The following WWOX variants were observed in gnomAD, a reference collection of about 807,000 sequenced individuals.
The protein encoded by WWOX is WW domain containing oxidoreductase.
In WWOX, 69 loss-of-function variants were observed where a neutral mutation model predicts 46.2. That is an observed-to-expected ratio of 1.49 (90% CI 1.23 to 1.82). WWOX has a LOEUF of 1.82. Among genes scored for constraint, WWOX ranks in the 40% most tolerant of loss-of-function variants. The pLI is 0.00. For missense variants in WWOX, 919 were observed against 542.6 expected (o/e 1.69, Z -6.89); for synonymous variants, 359 against 202.6 (o/e 1.77, Z -6.56).
rs566462389 is a variant in WWOX at position 78,109,855 on chromosome 16, C to T, written c.230+20C>T. 6.2e-6 allele frequency: 10 copies of T among 1,613,918 alleles called. No homozygotes were observed. Among genetic ancestry groups the T allele is most frequent in the Non-Finnish European group, 8.5e-6 (10 of 1,179,904 alleles). On this transcript the variant is annotated intron_variant, in intron 3 of 8. Coordinates refer to ENST00000566780, the MANE Select transcript of WWOX (RefSeq NM_016373.4). ...TGTTGAGTAAGTGTCTGCAAAGAAA[C>T]CACTCTCAGCTGTTTTGCTTTTTAA...
chr16:78,518,491 G>C (rs2043284638), intron 8 of WWOX, among the ~76,000 whole-genome samples: 1 of 152,264 alleles, frequency 6.6e-6, no homozygotes, highest in Middle Eastern at 3.4e-3. Flanking sequence ...AAATTGCTGG[G>C]ATTACAGACG....
intron 5 of WWOX, among the ~76,000 whole-genome samples, chr16:78,305,573 C>T (rs1255144574): frequency 6.6e-6 from 1 of 152,030 alleles, no homozygotes; most frequent in African/African-American, 2.4e-5. Flanking sequence ...CATTCCCGTT[C>T]CAGTCATCTT....
chr16:78,487,981 A>T (rs2084681816), intron 8 of WWOX, among the ~76,000 whole-genome samples: 1 of 152,182 alleles, frequency 6.6e-6, no homozygotes, highest in Non-Finnish European at 1.5e-5. Flanking sequence ...CAAGCTTCGA[A>T]AGAGGTACAG....
chr16:78,928,639 A>T (rs1486367632), intron 8 of WWOX, among the ~76,000 whole-genome samples: 1 of 151,396 alleles, frequency 6.6e-6, no homozygotes, highest in African/African-American at 2.4e-5. Flanking sequence ...AGAAATTCTG[A>T]GAAGGGGTTT....
chr16:79,098,247 A>T (rs940760868), intron 8 of WWOX, among the ~76,000 whole-genome samples: 1 of 152,216 alleles, frequency 6.6e-6, no homozygotes, highest in Non-Finnish European at 1.5e-5. Flanking sequence ...CTCTAAGCAG[A>T]GGCACAGTCA....
intron 8 of WWOX, among the ~76,000 whole-genome samples, chr16:78,435,470 A>T (rs2151389246): frequency 6.6e-6 from 1 of 152,336 alleles, no homozygotes; most frequent in Admixed American, 6.5e-5. Context: ...TGGGTAAAAG[A>T]TTAACTGCGC....
chr16:78,320,226 T>G (rs894925462), intron 5 of WWOX, among the ~76,000 whole-genome samples: 2 of 152,188 alleles, frequency 1.3e-5, no homozygotes, highest in African/African-American at 2.4e-5. Context: ...GGTACAGAAC[T>G]GAAATTTTCT....
intron 6 of WWOX, among the ~76,000 whole-genome samples, chr16:78,414,594 T>C (rs1466746015): frequency 1.3e-5 from 2 of 151,936 alleles, no homozygotes; most frequent in Admixed American, 6.6e-5. Flanking sequence ...AAAGCAAAAA[T>C]CTGAAAAGAC....
chr16:78,577,484 G>A (rs1381227221), intron 8 of WWOX, among the ~76,000 whole-genome samples: 1 of 152,134 alleles, frequency 6.6e-6, no homozygotes, highest in Non-Finnish European at 1.5e-5. Context: ...AATTCACCAG[G>A]AAGGAAGTTC....
intron 8 of WWOX, among the ~76,000 whole-genome samples, chr16:79,169,643 C>T (rs1178461516): frequency 1.3e-5 from 2 of 152,164 alleles, no homozygotes; most frequent in Admixed American, 6.6e-5. Context: ...ATGGCACAAG[C>T]CCTAACCAAC....
chr16:79,047,744 C>T (rs1209511312), intron 8 of WWOX, among the ~76,000 whole-genome samples: 1 of 127,340 alleles, frequency 7.9e-6, no homozygotes, highest in South Asian at 2.6e-4. Flanking sequence ...AAGGTAACGT[C>T]ACAGGGCAGC....
At chr16:78,597,973 T>G (rs1749534166) in intron 8 of WWOX, among the ~76,000 whole-genome samples, 1 of 152,160 alleles carries the variant, frequency 6.6e-6, no homozygotes, top group African/African-American at 2.4e-5. Context: ...ATAGTGTAGC[T>G]TTAGAAATGC....
chr16:78,875,172 C>T (rs990002743), intron 8 of WWOX, among the ~76,000 whole-genome samples: 2 of 152,186 alleles, frequency 1.3e-5, no homozygotes, highest in African/African-American at 4.8e-5. Flanking sequence ...TGCAAGATTG[C>T]ATGAGATTAA....
At chr16:79,052,414 C>T (rs955177441) in intron 8 of WWOX, among the ~76,000 whole-genome samples, 4 of 152,158 alleles carry the variant, frequency 2.6e-5, no homozygotes, top group African/African-American at 9.7e-5. Flanking sequence ...GTATATGTGC[C>T]AGCCATCCCG....
intron 5 of WWOX, among the ~76,000 whole-genome samples, chr16:78,334,367 A>G (rs2080828480): frequency 6.6e-6 from 1 of 152,200 alleles, no homozygotes; most frequent in Non-Finnish European, 1.5e-5. Flanking sequence ...TCGATTTTCA[A>G]ATTATGAACC....
At chr16:78,968,000 T>C (rs16944152) in intron 8 of WWOX, among the ~76,000 whole-genome samples, 51,847 of 152,196 alleles carry the variant, frequency 0.34, 10,188 homozygotes, top group East Asian at 0.5. Context: ...AAAGAAGATG[T>C]ATAAGTGTAT....
chr16:78,886,357 T>C (rs1202478424), intron 8 of WWOX, among the ~76,000 whole-genome samples: 3 of 151,972 alleles, frequency 2.0e-5, no homozygotes, highest in East Asian at 3.9e-4. Flanking sequence ...TTCTACTTTA[T>C]TTACTCAATA....
intron 5 of WWOX, among the ~76,000 whole-genome samples, chr16:78,367,777 A>C (rs62035780): frequency 0.17 from 25,026 of 150,894 alleles, 3,458 homozygotes; most frequent in African/African-American, 0.38. Context: ...TTTTGTTTCG[A>C]GATGGAGTCT....
chr16:78,903,700 C>G (rs56186839), intron 8 of WWOX, among the ~76,000 whole-genome samples: 1 of 151,964 alleles, frequency 6.6e-6, no homozygotes, highest in Non-Finnish European at 1.5e-5. Flanking sequence ...CACCTGGACA[C>G]TTCGCTCTAG....
Sources: gnomAD v4.1 joint callset for allele counts (sites outside exome capture counted in the v4.1 genomes callset) on GRCh38, gnomAD v4.1.1 for gene constraint, MANE v1.5 for transcripts, NCBI Gene and HGNC (gene_info 2026-07-23, HGNC 2026-07-21) for gene names.